MSR1: variants seen among roughly 807,000 people sequenced by gnomAD.
MSR1 encodes the protein macrophage scavenger receptor 1.
In MSR1, 53 loss-of-function variants were observed where a neutral mutation model predicts 47.2. That is an observed-to-expected ratio of 1.12 (90% CI 0.90 to 1.41). MSR1 has a LOEUF of 1.41. Ranked by LOEUF, MSR1 falls within the 40% of genes most tolerant of loss-of-function variation. The pLI, the probability that MSR1 is intolerant of heterozygous loss-of-function variation, is 0.00. For missense variants in MSR1, 786 were observed against 546.9 expected (o/e 1.44, Z -4.36); for synonymous variants, 239 against 185.6 (o/e 1.29, Z -2.34).
At chr8:16,137,117 C>G (rs1221390568) in intron 8 of MSR1, among the ~76,000 whole-genome samples, 1 of 151,982 alleles carries the variant, frequency 6.6e-6, no homozygotes, top group African/African-American at 2.4e-5. Flanking sequence ...AGGCTGAGCC[C>G]GTTAGCAAAA....
At chr8:16,158,843 C>T (rs1354696461) in intron 5 of MSR1, among the ~76,000 whole-genome samples, 1 of 151,630 alleles carries the variant, frequency 6.6e-6, no homozygotes, top group African/African-American at 2.4e-5. Context: ...TCATTTTCCA[C>T]ATCTGTTCTT....
intron 9 of MSR1, among the ~76,000 whole-genome samples, chr8:16,112,083 G>C (rs1799768640): frequency 6.6e-6 from 1 of 152,124 alleles, no homozygotes; most frequent in African/African-American, 2.4e-5. Context: ...AATCATGCCA[G>C]AGCAAATACT....
chr8:16,175,663 A>G (rs1296194884), intron 2 of MSR1, among the ~76,000 whole-genome samples: 1 of 152,234 alleles, frequency 6.6e-6, no homozygotes, highest in Non-Finnish European at 1.5e-5. Context: ...CTGGGTGACA[A>G]TAAAATTTTC....
chr8:16,184,631 T>C (rs1801941064), intron 1 of MSR1, among the ~76,000 whole-genome samples: 1 of 152,176 alleles, frequency 6.6e-6, no homozygotes, highest in South Asian at 2.1e-4. Context: ...ATTGAATTAC[T>C]ATCTATACAA....
chr8:16,116,395 C>A (rs1244841416), intron 9 of MSR1, among the ~76,000 whole-genome samples: 1 of 151,946 alleles, frequency 6.6e-6, no homozygotes, highest in Non-Finnish European at 1.5e-5. Flanking sequence ...AAAAGGAAAC[C>A]AAAATCCTGA....
rs755833942 is a variant in MSR1 at position 16,107,965 on chromosome 8, G to A, written c.*2120C>T. On this transcript the variant is annotated 3_prime_UTR_variant, in exon 10 of 10. Transcript: ENST00000262101. ...CCTCAATTTGTATTGGTGCTATTAG[G>A]TTCTTTTCTTGACTGGACTGAACTT... is the stretch of plus-strand genomic sequence containing the variant. 1 of 151,304 alleles carries A rather than the reference G, an allele frequency of 6.6e-6. No homozygotes were observed. The highest frequency in any genetic ancestry group is 6.6e-5 in the Admixed American group (1 of 15,170). The allele number at this position is 151,304 out of a possible 1,614,324, so 9.4% of individuals were successfully genotyped here.
chr8:16,128,910 C>G (rs1246971795), intron 8 of MSR1, among the ~76,000 whole-genome samples: 1 of 152,156 alleles, frequency 6.6e-6, no homozygotes, highest in Non-Finnish European at 1.5e-5. Context: ...TTAGCTTACA[C>G]TCTGTGATTG....
At chr8:16,161,723 T>G (rs1017827036) in intron 5 of MSR1, among the ~76,000 whole-genome samples, 1 of 152,028 alleles carries the variant, frequency 6.6e-6, no homozygotes, top group African/African-American at 2.4e-5. Flanking sequence ...TTACATAATT[T>G]TACTAACTAT....
intron 1 of MSR1, among the ~76,000 whole-genome samples, chr8:16,186,447 C>G (rs1373419616): frequency 6.6e-6 from 1 of 152,116 alleles, no homozygotes; most frequent in Admixed American, 6.6e-5. Flanking sequence ...TAACAACACC[C>G]CTGCTTAGAA....
chr8:16,173,519 C>G (rs1001246708), intron 3 of MSR1, among the ~76,000 whole-genome samples: 8 of 152,148 alleles, frequency 5.3e-5, no homozygotes, highest in African/African-American at 1.9e-4. Context: ...GTGTCAGGTC[C>G]TTTTACTCAG....
chr8:16,189,267 T>G (rs1802096200), intron 1 of MSR1, among the ~76,000 whole-genome samples: 1 of 138,882 alleles, frequency 7.2e-6, no homozygotes, highest in Admixed American at 7.6e-5. Flanking sequence ...TTATTTTATT[T>G]ATATTTCAAA....
chr8:16,164,535 A>G (rs1008500063), intron 4 of MSR1, among the ~76,000 whole-genome samples: 2 of 151,954 alleles, frequency 1.3e-5, no homozygotes, highest in Admixed American at 1.3e-4. Context: ...AGATGTCAAA[A>G]TTCTAACAAT....
At chr8:16,130,834 G>C (rs1800238719) in intron 8 of MSR1, among the ~76,000 whole-genome samples, 1 of 151,958 alleles carries the variant, frequency 6.6e-6, no homozygotes, top group Admixed American at 6.6e-5. Flanking sequence ...TGGCTGCATG[G>C]TATTCCACGG....
intron 9 of MSR1, among the ~76,000 whole-genome samples, chr8:16,111,079 C>G (rs1041642936): frequency 7.9e-5 from 12 of 151,922 alleles, no homozygotes; most frequent in Admixed American, 2.0e-4. Context: ...GGCATGTTTC[C>G]TATTGTGTTT....
chr8:16,162,179 A>G (rs1172073525), intron 5 of MSR1, among the ~76,000 whole-genome samples: 1 of 152,020 alleles, frequency 6.6e-6, no homozygotes, highest in Non-Finnish European at 1.5e-5. Flanking sequence ...AGAATGACAA[A>G]CAGATTGGTG....
chr8:16,162,690 T>C (rs1801195523), intron 5 of MSR1, among the ~76,000 whole-genome samples: 1 of 152,038 alleles, frequency 6.6e-6, no homozygotes, highest in South Asian at 2.1e-4. Flanking sequence ...ATAGTGTTTA[T>C]AACGTATGCT....
intron 8 of MSR1, among the ~76,000 whole-genome samples, chr8:16,122,525 T>A (rs2117066450): frequency 6.6e-6 from 1 of 152,262 alleles, no homozygotes. Context: ...CTGCCCATTG[T>A]TTACCTCTTA....
At chr8:16,157,937 T>C (rs1310249559) in intron 5 of MSR1, among the ~76,000 whole-genome samples, 1 of 151,998 alleles carries the variant, frequency 6.6e-6, no homozygotes, top group African/African-American at 2.4e-5. Context: ...CAGTAACCTA[T>C]TCTGTCATAT....
At position 16,108,648 on chromosome 8, in the gene MSR1, A is replaced by T. The variant is rs1799687953; in HGVS notation, c.*1437T>A. ...AATTCATTCTCTTAACCACAAAATT[A>T]TGCTGCCAGAGAAAATCAGCAATGT... On this transcript the variant is annotated 3_prime_UTR_variant, in exon 10 of 10. Transcript: ENST00000262101. The T allele has an allele frequency of 6.6e-6, 1 of 152,138 alleles. No individual in the cohort carries two copies. Among genetic ancestry groups the T allele is most frequent in the African/African-American group, 2.4e-5 (1 of 41,444 alleles). The allele number at this position is 152,138 out of a possible 1,614,324, so 9.4% of individuals were successfully genotyped here.
Sources: allele counts gnomAD v4.1 joint callset (sites outside exome capture counted in the v4.1 genomes callset), GRCh38; gene constraint gnomAD v4.1.1; transcripts MANE v1.5; gene names NCBI Gene and HGNC (gene_info 2026-07-23, HGNC 2026-07-21).